Variants in PLA2R1 observed in about 807,000 individuals in gnomAD.
The protein encoded by PLA2R1 is secretory phospholipase A2 receptor.
In PLA2R1, 158 loss-of-function variants were observed where a neutral mutation model predicts 195.9. The ratio of observed to expected loss-of-function variants is 0.81; its 90% CI spans 0.71 to 0.92. PLA2R1 has a LOEUF of 0.92. Ranked by LOEUF, PLA2R1 falls within the 40% of genes least tolerant of loss-of-function variation. The probability of loss-of-function intolerance (pLI) is 0.00; values close to 1 mark genes in which losing one functional copy is unlikely to be tolerated. For synonymous variants in PLA2R1, 586 were observed against 598.2 expected, an observed-to-expected ratio of 0.98 and a Z score of 0.30; for missense variants, 1,626 against 1,764.6, an observed-to-expected ratio of 0.92 and a Z score of 1.41.
intron 3 of PLA2R1, among the ~76,000 whole-genome samples, chr2:160,039,486 A>T (rs1166781703): frequency 6.6e-6 from 1 of 151,980 alleles, no homozygotes; most frequent in Non-Finnish European, 1.5e-5. Flanking sequence ...CTTTTTTTTT[A>T]AATGTAGCAT....
At position 159,961,788 on chromosome 2, in the gene PLA2R1, T is replaced by C. The variant is rs1385925738; in HGVS notation, c.2905-5161A>G. Among the ~76,000 whole-genome samples, 3 of 152,162 alleles carry C rather than the reference T, an allele frequency of 2.0e-5. No homozygotes were observed. The East Asian group carries it at 5.8e-4, about 29-fold the overall frequency. On this transcript the variant is annotated intron_variant, in intron 20 of 29. Transcript: ENST00000283243. ...GAGGACACATGGGATGGAGGTGAAC[T>C]GTGTGGGTAAAAATCAAGTTTGGGG...
chr2:159,952,209 A>G (rs2125932288), intron 23 of PLA2R1, among the ~76,000 whole-genome samples: 1 of 152,332 alleles, frequency 6.6e-6, no homozygotes, highest in African/African-American at 2.4e-5. Flanking sequence ...ATAAATTAAA[A>G]GGCAAGGTTT....
intron 6 of PLA2R1, among the ~76,000 whole-genome samples, chr2:160,026,830 T>C (rs889346367): frequency 1.4e-4 from 21 of 152,158 alleles, no homozygotes; most frequent in African/African-American, 4.3e-4. Flanking sequence ...ACTCATGAAA[T>C]CCTTTTTGAA....
chr2:160,054,833 T>C (rs1167289835), intron 1 of PLA2R1, among the ~76,000 whole-genome samples: 1 of 152,128 alleles, frequency 6.6e-6, no homozygotes, highest in African/African-American at 2.4e-5. Context: ...TGTTGGAACA[T>C]CTCCAAAAGG....
chr2:159,987,465 C>G, intron 11 of PLA2R1, 107 bp from the exon 12 acceptor site: 1 of 739,884 alleles, frequency 1.4e-6, no homozygotes, highest in East Asian at 2.7e-5. Flanking sequence ...AATTAAGCAC[C>G]CAGACAAGAG....
At position 159,949,684 on chromosome 2, in the gene PLA2R1, A is replaced by C. The variant is rs1687614818; in HGVS notation, c.3633T>G (p.Phe1211Leu). 5 of 1,613,954 alleles carry C rather than the reference A, an allele frequency of 3.1e-6. No homozygotes were observed. The highest frequency in any genetic ancestry group is 4.2e-6 in the Non-Finnish European group (5 of 1,179,818). The stretch of plus-strand genomic sequence containing the variant: ...TATGCCAGCGTCCGTTGCTGTCGGC[A>C]AAAACGCAGTCACCAAGGAGGGAGG... The part of the protein sequence containing the change: ...EESSLLGDCV[F>L]ADSNGRWHST... Residue 1211 changes from phenylalanine (F) to leucine (L), a missense_variant, in exon 25 of 30, where the codon TTT (phenylalanine) becomes TTG (leucine). Physicochemically the swap from Phe to Leu is conservative, Grantham distance 22. Coordinates refer to ENST00000283243, the MANE Select transcript of PLA2R1 (RefSeq NM_007366.5).
intron 6 of PLA2R1, among the ~76,000 whole-genome samples, chr2:160,023,960 G>A (rs1693329812): frequency 7.9e-6 from 1 of 126,770 alleles, no homozygotes; most frequent in South Asian, 2.6e-4. Context: ...TGTAAGGAAA[G>A]GAAGAGCAAG....
At chr2:159,929,952 A>T (rs1686549063), downstream of PLA2R1, among the ~76,000 whole-genome samples, 1 of 152,074 alleles carries the variant, frequency 6.6e-6, no homozygotes, top group South Asian at 2.1e-4. Context: ...ATGGAATTGG[A>T]GACAATTATT....
chr2:160,028,715 A>C, intron 5 of PLA2R1, 135 bp downstream of exon 5: 3 of 628,738 alleles, frequency 4.8e-6, no homozygotes, highest in Non-Finnish European at 8.5e-6. Flanking sequence ...AGCTTGCCTT[A>C]AAGGAATTCA....
At chr2:160,034,305 T>C (rs1028263519) in intron 3 of PLA2R1, among the ~76,000 whole-genome samples, 1 of 152,146 alleles carries the variant, frequency 6.6e-6, no homozygotes, top group South Asian at 2.1e-4. Flanking sequence ...AGGTTGTCTA[T>C]AGAGTTTCCT....
chr2:159,972,129 A>C (rs1052239449), intron 17 of PLA2R1, among the ~76,000 whole-genome samples: 1 of 152,214 alleles, frequency 6.6e-6, no homozygotes, highest in African/African-American at 2.4e-5. Context: ...AAGAGAAATT[A>C]TAACTGCTGC....
chr2:159,982,671 G>T (rs2105301510), intron 13 of PLA2R1, among the ~76,000 whole-genome samples: 1 of 152,300 alleles, frequency 6.6e-6, no homozygotes, highest in Non-Finnish European at 1.5e-5. Flanking sequence ...TGTAGATGTG[G>T]AAGATGAATA....
intron 24 of PLA2R1, among the ~76,000 whole-genome samples, chr2:159,950,708 T>A (rs539907813): frequency 9.9e-5 from 15 of 152,272 alleles, no homozygotes; most frequent in African/African-American, 3.6e-4. Flanking sequence ...TTCCATTACA[T>A]GAATATGTAT....
At chr2:160,010,862 A>G (rs750208870) in intron 10 of PLA2R1, among the ~76,000 whole-genome samples, 39 of 152,114 alleles carry the variant, frequency 2.6e-4, no homozygotes, top group Non-Finnish European at 3.8e-4. Context: ...TTGAATGTAG[A>G]CATGTTTTGG....
chr2:159,945,014 T>C lies in PLA2R1; in HGVS notation c.4036A>G (p.Thr1346Ala), dbSNP rs141373544. The change falls in exon 28 of 30, where the codon ACA becomes GCA. Residue 1346 changes from threonine (T) to alanine (A), a missense_variant. Coordinates refer to ENST00000283243, the MANE Select transcript of PLA2R1 (RefSeq NM_007366.5). ...CAATGATGGGGCTTGAAGTAGTCTG[T>C]GTCTGGCTTCCGAATGCCCCAGTTT... ...QSNWGIRKPDTDYFKPHHCVA... is the reference protein window; with the variant it reads ...QSNWGIRKPDADYFKPHHCVA... 3.0e-5 allele frequency: 49 copies of C among 1,613,624 alleles called. No homozygotes were observed. Among genetic ancestry groups the C allele is most frequent in the Middle Eastern group, 1.6e-4 (1 of 6,078 alleles).
chr2:159,978,297 A>T (rs569386196), intron 14 of PLA2R1, among the ~76,000 whole-genome samples: 1 of 152,338 alleles, frequency 6.6e-6, no homozygotes, highest in Non-Finnish European at 1.5e-5. Flanking sequence ...ACTATCTCAC[A>T]GAAGAATGGA....
chr2:159,978,341 G>T (rs1689715616), intron 14 of PLA2R1, among the ~76,000 whole-genome samples: 1 of 151,632 alleles, frequency 6.6e-6, no homozygotes, highest in Non-Finnish European at 1.5e-5. Flanking sequence ...AAAAATTTGG[G>T]GAAAAAAAGG....
chr2:159,924,114 G>A, the PLA2R1 span, among the ~76,000 whole-genome samples: 1 of 152,140 alleles, frequency 6.6e-6, no homozygotes, highest in Admixed American at 6.5e-5. Context: ...GCTTGTGGCT[G>A]CATAAGCAGA....
At chr2:160,019,811 G>GT (rs144246951) in intron 8 of PLA2R1, among the ~76,000 whole-genome samples, 16 of 151,464 alleles carry the variant, frequency 1.1e-4, no homozygotes, top group Admixed American at 5.3e-4. Context: ...CTCTCTGAGA[G>GT]TTTTTTTTTA....
Sources: allele counts gnomAD v4.1 joint callset (sites outside exome capture counted in the v4.1 genomes callset), GRCh38; gene constraint gnomAD v4.1.1; transcripts MANE v1.5; gene names NCBI Gene and HGNC (gene_info 2026-07-23, HGNC 2026-07-21).